FBXW7: variants seen among roughly 807,000 people sequenced by gnomAD.
FBXW7 encodes the protein F-box and WD repeat domain containing 7, also known as F-box/WD repeat-containing protein 7.
In FBXW7, 11 loss-of-function variants were observed where a neutral mutation model predicts 86.3. The ratio of observed to expected loss-of-function variants is 0.13; its 90% confidence interval spans 0.08 to 0.21. The LOEUF is 0.21. Among genes scored for constraint, FBXW7 ranks in the 10% least tolerant of loss-of-function variants. FBXW7 has a pLI of 1.00. For synonymous variants in FBXW7, 313 were observed against 297.9 expected, an observed-to-expected ratio of 1.05 and a Z score of -0.52; for missense variants, 488 against 847.4, an observed-to-expected ratio of 0.58 and a Z score of 5.27.
chr4:152,411,702 A>G lies in FBXW7; in HGVS notation c.102T>C (p.Asn34=), dbSNP rs192773704. The change falls in exon 4 of 14, where the codon AAT becomes AAC. Residue 34 remains asparagine, a synonymous_variant. Transcript: ENST00000281708. ...SSSQVDEEQM[N]RVVEEEQQQQ... ...GTTGCTGTTCCTCCTCTACCACACG[A>G]TTCATCTGTTCTTCATCTACCTGGC... The G allele has an allele frequency of 2.4e-5, 38 of 1,613,468 alleles. No homozygotes were observed. The African/African-American group carries it at 4.9e-4, about 21-fold the overall frequency.
chr4:152,507,847 T>G (rs1051822628), intron 2 of FBXW7, among the ~76,000 whole-genome samples: 2 of 151,148 alleles, frequency 1.3e-5, no homozygotes, highest in African/African-American at 4.9e-5. Context: ...AGGCCAGGAG[T>G]TTAAGACTAG....
intron 2 of FBXW7, among the ~76,000 whole-genome samples, chr4:152,496,003 C>T (rs1746306734): frequency 6.6e-6 from 1 of 152,018 alleles, no homozygotes; most frequent in Admixed American, 6.6e-5. Flanking sequence ...ATAGCAAGAC[C>T]TCATCTCTAC....
intron 6 of FBXW7, among the ~76,000 whole-genome samples, chr4:152,341,493 GT>G (rs1441207567): frequency 1.3e-5 from 2 of 152,178 alleles, no homozygotes; most frequent in Non-Finnish European, 2.9e-5. Context: ...AGGAAAAAGT[GT>G]TTTTTGTCTG....
At position 152,352,613 on chromosome 4, in the gene FBXW7, C is replaced by T. The variant is rs758387799; in HGVS notation, c.502-2489G>A. The T allele has an allele frequency of 1.9e-6, 3 of 1,613,662 alleles. No homozygotes were observed. The Admixed American group carries it at 5.0e-5, about 27-fold the overall frequency. Reference sequence around the variant, plus strand: ...TTTTCAGGTAGGTATGTCACAGATTCTAATGTGGACATGCTCAGGCACGTC... The same window carrying T: ...TTTTCAGGTAGGTATGTCACAGATTTTAATGTGGACATGCTCAGGCACGTC... On this transcript the variant is annotated intron_variant, in intron 4 of 13. Transcript: ENST00000281708.
intron 2 of FBXW7, among the ~76,000 whole-genome samples, chr4:152,523,074 C>T (rs1422697761): frequency 1.3e-5 from 2 of 152,184 alleles, no homozygotes; most frequent in Non-Finnish European, 2.9e-5. Context: ...AATTAACAAG[C>T]ATTTTTTAAG....
chr4:152,371,954 AAC>A (rs1560818165), intron 4 of FBXW7, among the ~76,000 whole-genome samples: 9 of 151,970 alleles, frequency 5.9e-5, no homozygotes. Context: ...TAACAGTAGC[AAC>A]ACACACAGAG....
At chr4:152,474,545 T>A (rs1185510205) in intron 2 of FBXW7, among the ~76,000 whole-genome samples, 3 of 152,222 alleles carry the variant, frequency 2.0e-5, no homozygotes, top group Non-Finnish European at 2.9e-5. Flanking sequence ...ACCCATCACC[T>A]ATTTGATTTA....
intron 2 of FBXW7, among the ~76,000 whole-genome samples, chr4:152,471,180 G>A (rs1743920633): frequency 8.0e-6 from 1 of 124,848 alleles, no homozygotes; most frequent in South Asian, 2.5e-4. Context: ...ACAAGCCACA[G>A]AAAAGGTGGG....
chr4:152,516,113 G>C (rs6843927), intron 2 of FBXW7, among the ~76,000 whole-genome samples: 146 of 152,332 alleles, frequency 9.6e-4, no homozygotes, highest in African/African-American at 3.4e-3. Context: ...TTTCAGCCTA[G>C]TGAGAACCTG....
intron 2 of FBXW7, among the ~76,000 whole-genome samples, chr4:152,531,095 C>A (rs1749989543): frequency 6.6e-6 from 1 of 152,118 alleles, no homozygotes; most frequent in Non-Finnish European, 1.5e-5. Flanking sequence ...ACCCTCAAGG[C>A]TCTCTAATTC....
intron 2 of FBXW7, among the ~76,000 whole-genome samples, chr4:152,518,190 T>A (rs1434208633): frequency 6.6e-6 from 1 of 152,052 alleles, no homozygotes; most frequent in Admixed American, 6.6e-5. Context: ...GGTTTCACCA[T>A]GCCAGCCAGG....
At chr4:152,520,390 G>A (rs531662684) in intron 2 of FBXW7, among the ~76,000 whole-genome samples, 89 of 147,144 alleles carry the variant, frequency 6.0e-4, no homozygotes, top group Non-Finnish European at 1.0e-3. Context: ...CCGAGATTGC[G>A]CCACTGCAGT....
intron 2 of FBXW7, among the ~76,000 whole-genome samples, chr4:152,425,089 C>A (rs1440070648): frequency 6.6e-6 from 1 of 152,228 alleles, no homozygotes; most frequent in Non-Finnish European, 1.5e-5. Flanking sequence ...AAGAGCAATG[C>A]TCCACTCTTG....
At chr4:152,352,966 C>A in intron 4 of FBXW7, 1 of 1,369,248 alleles carries the variant, frequency 7.3e-7, no homozygotes, top group Non-Finnish European at 9.4e-7. Context: ...AAGAACACAA[C>A]GCACTGAACA....
At chr4:152,362,476 CCTTTA>C (rs1733057601) in intron 4 of FBXW7, among the ~76,000 whole-genome samples, 1 of 152,018 alleles carries the variant, frequency 6.6e-6, no homozygotes, top group East Asian at 1.9e-4. Flanking sequence ...TTAAACCTTT[CCTTTA>C]AAGTCATTCC....
At chr4:152,346,861 C>A (rs892847747) in intron 6 of FBXW7, 69 bp downstream of exon 6, 9 of 1,576,962 alleles carry the variant, frequency 5.7e-6, no homozygotes, top group Non-Finnish European at 7.8e-6. Context: ...TCTTTTTTTA[C>A]GGATGAATAA....
At chr4:152,384,769 G>A (rs1390385470) in intron 4 of FBXW7, among the ~76,000 whole-genome samples, 1 of 151,796 alleles carries the variant, frequency 6.6e-6, no homozygotes, top group African/African-American at 2.4e-5. Flanking sequence ...AAAAAACCTC[G>A]AGAGATCTAA....
rs2126447533 is a variant in FBXW7 at position 152,321,591 on chromosome 4, A to G, written c.*1290T>C. 1 of 233,218 alleles carries G rather than the reference A, an allele frequency of 4.3e-6. No homozygotes were observed. Among genetic ancestry groups the G allele is most frequent in the African/African-American group, 2.2e-5 (1 of 45,432 alleles). 14.4% of individuals were successfully genotyped at this position (233,218 alleles called of 1,614,324 possible). On this transcript the variant is annotated 3_prime_UTR_variant, in exon 14 of 14. Coordinates refer to ENST00000281708, the MANE Select transcript of FBXW7 (RefSeq NM_001349798.2). The stretch of plus-strand genomic sequence containing the variant: ...TGTTTGCATGTGACGCCTTTACTAC[A>G]AAAACTGAATAGTTTCTGCTTTGTC...
intron 2 of FBXW7, among the ~76,000 whole-genome samples, chr4:152,475,045 G>A (rs1275802652): frequency 6.6e-6 from 1 of 151,846 alleles, no homozygotes. Context: ...GAGGTTGAGT[G>A]AGCAGAGATT....
Sources: gnomAD v4.1 joint callset for allele counts (sites outside exome capture counted in the v4.1 genomes callset) on GRCh38, gnomAD v4.1.1 for gene constraint, MANE v1.5 for transcripts, NCBI Gene and HGNC (gene_info 2026-07-23, HGNC 2026-07-21) for gene names.